The following CLASP1 variants were observed in gnomAD, a reference collection of about 807,000 sequenced individuals.
The protein encoded by CLASP1 is CLIP-associating protein 1.
Under a neutral mutation model 192.3 loss-of-function variants are expected in CLASP1, and 38 were observed. The ratio of observed to expected loss-of-function variants is 0.20; its 90% CI spans 0.15 to 0.26. The LOEUF (loss-of-function observed/expected upper bound fraction) is 0.26, where lower values mean the gene tolerates loss of function less well. CLASP1 is among the 10% of genes least tolerant of loss of function. CLASP1 has a pLI of 1.00. For missense variants in CLASP1, 1,433 were observed against 1,932.5 expected, an observed-to-expected ratio of 0.74 and a Z score of 4.85; for synonymous variants, 691 against 712.8, an observed-to-expected ratio of 0.97 and a Z score of 0.49.
intron 32 of CLASP1, among the ~76,000 whole-genome samples, chr2:121,382,602 G>A (rs1488822604): frequency 5.3e-5 from 8 of 152,186 alleles, no homozygotes; most frequent in East Asian, 1.9e-4. Flanking sequence ...GTGTCTATGC[G>A]TGAGACTGTG....
intron 25 of CLASP1, among the ~76,000 whole-genome samples, chr2:121,406,246 T>TA (rs1467895784): frequency 6.6e-6 from 1 of 152,234 alleles, no homozygotes; most frequent in African/African-American, 2.4e-5. Context: ...GTATGTGTAA[T>TA]ACACGCTTAT....
At chr2:121,341,055 TC>T (rs2062722637) in intron 39 of CLASP1, 108 bp from the exon 41 acceptor site, 2 of 735,848 alleles carry the variant, frequency 2.7e-6, no homozygotes, top group East Asian at 2.7e-5. Context: ...GTCCCTTAGT[TC>T]CCTTGGTTGA....
intron 11 of CLASP1, 147 bp downstream of exon 11, chr2:121,460,954 T>C (rs184737317): frequency 3.4e-6 from 2 of 591,070 alleles, no homozygotes; most frequent in South Asian, 4.4e-5. Flanking sequence ...GACACTCTAC[T>C]AAAAAGGTGA....
At chr2:121,381,878 G>A (rs1307565203) in intron 33 of CLASP1, among the ~76,000 whole-genome samples, 1 of 152,124 alleles carries the variant, frequency 6.6e-6, no homozygotes, top group Non-Finnish European at 1.5e-5. Context: ...TCCCACTATT[G>A]CCCACGCTGA....
intron 37 of CLASP1, among the ~76,000 whole-genome samples, chr2:121,351,491 CCTAG>C (rs2064395064): frequency 1.3e-5 from 2 of 152,210 alleles, no homozygotes. Flanking sequence ...AATTAATTCT[CCTAG>C]CTGTCTGAGA....
rs532543960 is a variant in CLASP1 at position 121,429,007 on chromosome 2, T to C, written c.2017+1066A>G. ...TTTTGTCTGACACTGAAACCCATGC[T>C]TGTAGTGTATCACACTACACAATAC... is the stretch of plus-strand genomic sequence containing the variant. On this transcript the variant is annotated intron_variant, in intron 20 of 39. Coordinates refer to ENST00000263710, the Ensembl canonical transcript of CLASP1. Among the ~76,000 whole-genome samples the C allele has an allele frequency of 1.9e-3, 283 of 152,292 alleles. 2 individuals carry two copies. In the Middle Eastern group the frequency reaches 0.02, roughly 11 times the overall value.
intron 37 of CLASP1, among the ~76,000 whole-genome samples, chr2:121,353,292 G>A (rs2064835789): frequency 6.6e-6 from 1 of 152,246 alleles, no homozygotes; most frequent in South Asian, 2.1e-4. Flanking sequence ...GATCGGGGGT[G>A]AAGGGGGCAG....
At chr2:121,433,421 AAG>A (rs1276760112) in intron 19 of CLASP1, among the ~76,000 whole-genome samples, 1 of 151,956 alleles carries the variant, frequency 6.6e-6, no homozygotes, top group Non-Finnish European at 1.5e-5. Flanking sequence ...CTTTTTAGAT[AAG>A]AGGGTTTTTC....
Position 121,527,949 on chromosome 2 carries a change from A to G in CLASP1, c.379-59T>C, listed in dbSNP as rs891864247. 4.3e-6 allele frequency: 6 copies of G among 1,390,754 alleles called. No homozygotes were observed. In the Admixed American group the frequency reaches 1.0e-4, roughly 24 times the overall value. 86.2% of individuals were successfully genotyped at this position (1,390,754 alleles called of 1,614,324 possible). ...AAGACTGCTGCAGCTGACACTTTAT[A>G]AGGGAGCAATAGAAGGCAAGCCTCT... On this transcript the variant is annotated intron_variant, in intron 4 of 39. Transcript: ENST00000263710.
chr2:121,457,857 T>C (rs2087021090), intron 13 of CLASP1, 100 bp from the exon 14 acceptor site: 1 of 739,530 alleles, frequency 1.4e-6, no homozygotes, highest in African/African-American at 1.8e-5. Context: ...ATAGCACATA[T>C]ATATTCAGAT....
intron 37 of CLASP1, among the ~76,000 whole-genome samples, chr2:121,354,369 A>T (rs1464393602): frequency 6.6e-6 from 1 of 152,160 alleles, no homozygotes; most frequent in Non-Finnish European, 1.5e-5. Context: ...TTCTTGGAAG[A>T]GCTCTGTCAG....
chr2:121,645,206 A>G (rs904508576), intron 1 of CLASP1, among the ~76,000 whole-genome samples: 2 of 152,206 alleles, frequency 1.3e-5, no homozygotes, highest in African/African-American at 4.8e-5. Flanking sequence ...TAAATTAATC[A>G]ATAATTCTAG....
At chr2:121,348,840 C>T in intron 37 of CLASP1, 122 bp from the exon 39 acceptor site, 1 of 870,850 alleles carries the variant, frequency 1.1e-6, no homozygotes, top group African/African-American at 1.7e-5. Context: ...GCAGCCATTG[C>T]TTCGCCTGGC....
chr2:121,394,906 T>A (rs1272463750), intron 30 of CLASP1, among the ~76,000 whole-genome samples: 1 of 152,206 alleles, frequency 6.6e-6, no homozygotes, highest in Non-Finnish European at 1.5e-5. Flanking sequence ...AAAACAAATT[T>A]TTTTAGTTTG....
intron 9 of CLASP1, among the ~76,000 whole-genome samples, chr2:121,468,106 G>T (rs1461878986): frequency 3.3e-5 from 5 of 152,014 alleles, no homozygotes; most frequent in Admixed American, 3.3e-4. Flanking sequence ...TGTAGTCGTG[G>T]GTTCTTTATT....
rs533165643 is a variant in CLASP1 at position 121,454,523 on chromosome 2, C to T, written c.1386-2674G>A. ...ATCGTCTTGGGCCACAAATAAAATA[C>T]ACTAACACTAATGATAGCAGATGAG... On this transcript the variant is annotated intron_variant, in intron 14 of 39. Transcript: ENST00000263710. Among the ~76,000 whole-genome samples, 5 of 152,262 alleles carry T rather than the reference C, an allele frequency of 3.3e-5. No individual in the cohort carries two copies. The South Asian group carries it at 1.0e-3, about 32-fold the overall frequency.
At chr2:121,381,301 G>C (rs531697869) in intron 33 of CLASP1, among the ~76,000 whole-genome samples, 1 of 151,590 alleles carries the variant, frequency 6.6e-6, no homozygotes, top group Admixed American at 6.6e-5. Flanking sequence ...AAAAGTAACA[G>C]GTCTTTTTTT....
chr2:121,459,599 T>A (rs548785016), intron 12 of CLASP1: 51 of 161,268 alleles, frequency 3.2e-4, no homozygotes, highest in Non-Finnish European at 5.5e-4. Context: ...CTGCAGTAAA[T>A]GCCTTTAACT....
chr2:121,633,151 A>T lies in CLASP1; in HGVS notation c.-286+16221T>A, dbSNP rs536127900. ...TTCATGTGTATATATTACCTGTTCA[A>T]AAAAAAGTTTATAATAGAAAAATTT... is the stretch of plus-strand genomic sequence containing the variant. On this transcript the variant is annotated intron_variant, in intron 1 of 39. Transcript: ENST00000263710. Among the ~76,000 whole-genome samples, 3 of 151,832 alleles carry T rather than the reference A, an allele frequency of 2.0e-5. No individual in the cohort carries two copies. The South Asian group carries it at 6.2e-4, about 32-fold the overall frequency.
Sources: allele counts gnomAD v4.1 joint callset (sites outside exome capture counted in the v4.1 genomes callset), GRCh38; gene constraint gnomAD v4.1.1; transcripts MANE v1.5; gene names NCBI Gene and HGNC (gene_info 2026-07-23, HGNC 2026-07-21).